COMMD7: variants seen among roughly 807,000 people sequenced by gnomAD.
COMMD7 encodes the protein COMM domain containing 7, also known as COMM domain-containing protein 7.
Under a neutral mutation model 34.8 loss-of-function variants are expected in COMMD7, and 28 were observed. That is an observed-to-expected ratio of 0.80 (90% CI 0.60 to 1.10). The LOEUF is 1.10. Among genes scored for constraint, COMMD7 ranks in the 50% least tolerant of loss-of-function variants. COMMD7 has a pLI of 0.00. For missense variants in COMMD7, 211 were observed against 241.6 expected (o/e 0.87, Z 0.84); for synonymous variants, 80 against 86.4 (o/e 0.93, Z 0.41).
At chr20:32,737,370 A>AG (rs1251512054) in intron 1 of COMMD7, among the ~76,000 whole-genome samples, 1 of 143,688 alleles carries the variant, frequency 7.0e-6, no homozygotes, top group African/African-American at 2.5e-5. Context: ...ACTCCGTCTC[A>AG]AAAAAAAAAG....
intron 3 of COMMD7, among the ~76,000 whole-genome samples, chr20:32,708,164 C>T (rs563500146): frequency 6.6e-6 from 1 of 152,276 alleles, no homozygotes; most frequent in South Asian, 2.1e-4. Context: ...TGCTAGGCTC[C>T]AATTCCTGAA....
intron 3 of COMMD7, among the ~76,000 whole-genome samples, chr20:32,721,962 G>A (rs1985187266): frequency 6.6e-6 from 1 of 151,316 alleles, no homozygotes; most frequent in African/African-American, 2.4e-5. Context: ...TTGGGAGGCT[G>A]AGGCAGGAGA....
At chr20:32,704,327 A>T in intron 7 of COMMD7, 113 bp downstream of exon 7, 5 of 1,023,132 alleles carry the variant, frequency 4.9e-6, no homozygotes, top group Non-Finnish European at 7.2e-6. Context: ...GCTCTGAGAT[A>T]TATAAGGTAC....
chr20:32,734,944 A>G (rs1986056964), intron 1 of COMMD7, among the ~76,000 whole-genome samples: 1 of 151,368 alleles, frequency 6.6e-6, no homozygotes, highest in Non-Finnish European at 1.5e-5. Flanking sequence ...TAAAATAAAA[A>G]TAAGAAAACA....
chr20:32,721,672 G>A (rs1187595255), intron 3 of COMMD7, among the ~76,000 whole-genome samples: 1 of 152,140 alleles, frequency 6.6e-6, no homozygotes, highest in Non-Finnish European at 1.5e-5. Flanking sequence ...CTGAGGTCAG[G>A]AGTTCGAGAC....
intron 6 of COMMD7, 133 bp from the exon 7 acceptor site, chr20:32,704,622 G>C: frequency 1.0e-6 from 1 of 983,344 alleles, no homozygotes; most frequent in Non-Finnish European, 1.5e-6. Context: ...GGGCAGCAAG[G>C]TGTGCTTTTG....
intron 1 of COMMD7, among the ~76,000 whole-genome samples, chr20:32,736,358 G>A (rs1414462109): frequency 6.6e-6 from 1 of 152,144 alleles, no homozygotes; most frequent in Non-Finnish European, 1.5e-5. Context: ...TTAGGAGAAA[G>A]GTTTAAGGTT....
chr20:32,735,711 G>A (rs1986101735), intron 1 of COMMD7, among the ~76,000 whole-genome samples: 1 of 152,074 alleles, frequency 6.6e-6, no homozygotes, highest in African/African-American at 2.4e-5. Context: ...GGAGTACAGT[G>A]GGTGATCATC....
Position 32,704,865 on chromosome 20 carries a change from C to T in COMMD7, c.376G>A (p.Gly126Ser). 2 of 1,614,058 alleles carry T rather than the reference C, an allele frequency of 1.2e-6. No individual in the cohort carries two copies. The highest frequency in any genetic ancestry group is 1.7e-6 in the Non-Finnish European group (2 of 1,179,992). ...NAPTLARWAI[G>S]QTLMINQLID... ...AGCTGGTTAATCATCAGAGTCTGAC[C>T]TATGGCCCATCGAGCAAGGGTGGGA... is the stretch of plus-strand genomic sequence containing the variant. Residue 126 changes from glycine (G) to serine (S), a missense_variant, in exon 6 of 9, where the codon GGT becomes AGT. By Grantham distance (56) the Gly-to-Ser change is moderately conservative. Coordinates refer to ENST00000278980, the MANE Select transcript of COMMD7 (RefSeq NM_053041.3).
chr20:32,742,963 T>C (rs1986522209), intron 1 of COMMD7, among the ~76,000 whole-genome samples: 1 of 151,822 alleles, frequency 6.6e-6, no homozygotes, highest in Admixed American at 6.6e-5. Context: ...TCCTTCAGCC[T>C]CATCTAGACT....
At position 32,730,095 on chromosome 20, in the gene COMMD7, G is replaced by A. The variant is rs184045395; in HGVS notation, c.85-1953C>T. 8.2e-3 allele frequency among the ~76,000 whole-genome samples: 1,254 copies of A among 152,158 alleles called. 7 individuals are homozygous for A. Among genetic ancestry groups the A allele is most frequent in the Non-Finnish European group, 0.015 (998 of 68,008 alleles). ...CCTTAACAAAATACCAGCTGCCCAG[G>A]TATTTTGTTATGGCAGCCTGAGCTG... is the stretch of plus-strand genomic sequence containing the variant. On this transcript the variant is annotated intron_variant, in intron 1 of 8. Transcript: ENST00000278980.
chr20:32,726,856 C>A (rs749927363), intron 3 of COMMD7, among the ~76,000 whole-genome samples: 1 of 152,126 alleles, frequency 6.6e-6, no homozygotes, highest in African/African-American at 2.4e-5. Context: ...GAGCACAATA[C>A]AGGGCAAAGG....
chr20:32,714,363 G>A (rs980593010), intron 3 of COMMD7, among the ~76,000 whole-genome samples: 18 of 152,116 alleles, frequency 1.2e-4, no homozygotes, highest in African/African-American at 3.9e-4. Flanking sequence ...AATCAGTTAC[G>A]GATCACCCAC....
chr20:32,713,234 G>C (rs1214577035), intron 3 of COMMD7, among the ~76,000 whole-genome samples: 2 of 151,654 alleles, frequency 1.3e-5, no homozygotes, highest in African/African-American at 4.8e-5. Flanking sequence ...GTATTTAGTA[G>C]AGATGGGCTT....
chr20:32,726,273 T>A (rs1286753251), intron 3 of COMMD7, among the ~76,000 whole-genome samples: 1 of 151,852 alleles, frequency 6.6e-6, no homozygotes, highest in Non-Finnish European at 1.5e-5. Flanking sequence ...TGCCTGTGCC[T>A]GTAATCCCAG....
intron 1 of COMMD7, among the ~76,000 whole-genome samples, chr20:32,730,811 T>C (rs1441747214): frequency 1.3e-5 from 2 of 152,058 alleles, no homozygotes; most frequent in African/African-American, 4.8e-5. Context: ...GCTAAACAAA[T>C]GGTAGCTACA....
chr20:32,707,342 C>T (rs570161807), intron 3 of COMMD7, among the ~76,000 whole-genome samples: 35 of 132,500 alleles, frequency 2.6e-4, no homozygotes, highest in African/African-American at 6.3e-4. Flanking sequence ...TTTTTTGAGA[C>T]GGAGTCTCGC....
intron 1 of COMMD7, among the ~76,000 whole-genome samples, chr20:32,737,673 A>G (rs937705384): frequency 6.9e-6 from 1 of 144,456 alleles, no homozygotes; most frequent in South Asian, 2.2e-4. Flanking sequence ...TATAAAAAAA[A>G]TTAAAAAATA....
At chr20:32,718,221 G>A (rs1188477669) in intron 3 of COMMD7, among the ~76,000 whole-genome samples, 5 of 151,108 alleles carry the variant, frequency 3.3e-5, no homozygotes, top group African/African-American at 1.2e-4. Context: ...TGGCTAACAC[G>A]GTGAAACCCC....
Sources: gnomAD v4.1 joint callset for allele counts (sites outside exome capture counted in the v4.1 genomes callset) on GRCh38, gnomAD v4.1.1 for gene constraint, MANE v1.5 for transcripts, NCBI Gene and HGNC (gene_info 2026-07-23, HGNC 2026-07-21) for gene names.